The following FBXO10 variants were observed in gnomAD, a reference collection of about 807,000 sequenced individuals.
FBXO10 encodes the protein F-box only protein 10.
A neutral mutation model predicts 80.7 loss-of-function variants in FBXO10; 39 were observed. The ratio of observed to expected loss-of-function variants is 0.48; its 90% CI spans 0.37 to 0.63. The LOEUF (loss-of-function observed/expected upper bound fraction) is 0.63, where lower values mean the gene tolerates loss of function less well. Ranked by LOEUF, FBXO10 falls within the 30% of genes least tolerant of loss-of-function variation. The probability of loss-of-function intolerance (pLI) is 0.00; values close to 1 mark genes in which losing one functional copy is unlikely to be tolerated. For synonymous variants in FBXO10, 449 were observed against 489.6 expected (o/e 0.92, Z 1.09); for missense variants, 1,025 against 1,269.0 (o/e 0.81, Z 2.92).
Position 37,529,834 on chromosome 9 carries a change from T to C in FBXO10, c.1570-574A>G, listed in dbSNP as rs565582575. ...GTATGAGCTACAGAATGCCAAGAGA[T>C]ATCTTTTTTTTTTTTTTTTGGTAGA... On this transcript the variant is annotated intron_variant, in intron 4 of 10. Coordinates refer to ENST00000432825, the MANE Select transcript of FBXO10 (RefSeq NM_012166.3). 2.6e-4 allele frequency among the ~76,000 whole-genome samples: 37 copies of C among 142,128 alleles called. No individual in the cohort carries two copies. The East Asian group carries it at 6.4e-3, about 25-fold the overall frequency. 93.2% of individuals were successfully genotyped at this position (142,128 alleles called of 152,430 possible). A position where few individuals can be genotyped will look rare whatever the true frequency, so the allele number is the denominator to read the frequency against.
In FBXO10 at chr9:37,512,420, T is replaced by C; in HGVS notation, c.*127A>G. ...GAGCTGAAGTGTTCTGGAGGTACCG[T>C]GTTTTGGAGGCCCGGGACCCATTTG... On this transcript the variant is annotated 3_prime_UTR_variant, in exon 11 of 11. Coordinates refer to ENST00000432825, the MANE Select transcript of FBXO10 (RefSeq NM_012166.3). 1 of 941,890 alleles carries C rather than the reference T, an allele frequency of 1.1e-6. No individual in the cohort carries two copies. The highest frequency in any genetic ancestry group is 1.6e-6 in the Non-Finnish European group (1 of 628,662). 58.3% of individuals were successfully genotyped at this position (941,890 alleles called of 1,614,324 possible).
In FBXO10 at chr9:37,561,640, C is replaced by T. The variant is rs575820922; in HGVS notation, c.-7+14571G>A. On this transcript the variant is annotated intron_variant, in intron 1 of 10. Coordinates refer to ENST00000432825, the MANE Select transcript of FBXO10 (RefSeq NM_012166.3). ...ACCTCATGCAGATTTTGACAATTTC[C>T]AGAGAAAAAAATCATTTATTCAACA... 2.3e-4 allele frequency among the ~76,000 whole-genome samples: 35 copies of T among 152,228 alleles called. No individual in the cohort carries two copies. In the East Asian group the frequency reaches 6.8e-3, roughly 29 times the overall value.
In FBXO10 at chr9:37,511,753, G is replaced by A. The variant is rs1200212368; in HGVS notation, c.*794C>T. On this transcript the variant is annotated 3_prime_UTR_variant, in exon 11 of 11. Coordinates refer to ENST00000432825, the MANE Select transcript of FBXO10 (RefSeq NM_012166.3). ...CATGAGAACACAGATGCGAACGAGA[G>A]GCCCAGGTACCCTCATCTGAACAGG... 1 of 152,670 alleles carries A rather than the reference G, an allele frequency of 6.6e-6. No individual in the cohort carries two copies. The highest frequency in any genetic ancestry group is 2.4e-5 in the African/African-American group (1 of 41,446). The allele number at this position is 152,670 out of a possible 1,614,324, so 9.5% of individuals were successfully genotyped here.
Position 37,537,252 on chromosome 9 carries a change from G to A in FBXO10, c.1277C>T (p.Ser426Phe), listed in dbSNP as rs1017867269. The change falls in exon 3 of 11, where the codon TCC becomes TTC. Residue 426 changes from serine (S) to phenylalanine (F), a missense_variant. Ser to Phe is a radical substitution (Grantham distance 155). This residue lies in a region of FBXO10 where 478 missense variants were observed against 667.8 expected (regional missense o/e 0.72). Coordinates refer to ENST00000432825, the MANE Select transcript of FBXO10 (RefSeq NM_012166.3). ...KDKEAMALANSVQGCLIRKCL... is the reference protein window; with the variant it reads ...KDKEAMALANFVQGCLIRKCL... ...CTTGCGGATGAGGCAGCCCTGCACG[G>A]AGTTGGCCAGTGCCATGGCCTCCTT... 6.2e-7 allele frequency: 1 copy of A among 1,613,764 alleles called. No homozygotes were observed. The highest frequency in any genetic ancestry group is 1.3e-5 in the African/African-American group (1 of 74,944).
At chr9:37,523,320 CGG>C (rs1821388713) in intron 6 of FBXO10, among the ~76,000 whole-genome samples, 1 of 152,006 alleles carries the variant, frequency 6.6e-6, no homozygotes, top group Non-Finnish European at 1.5e-5. Context: ...GAGGCCAAGG[CGG>C]GTAGATCACT....
intron 3 of FBXO10, among the ~76,000 whole-genome samples, chr9:37,536,273 C>T (rs897161222): frequency 1.3e-5 from 2 of 152,102 alleles, no homozygotes; most frequent in Admixed American, 6.6e-5. Flanking sequence ...TTTCATTTTA[C>T]GAAAGTGAAG....
At chr9:37,550,185 T>G (rs1822159920) in intron 1 of FBXO10, among the ~76,000 whole-genome samples, 1 of 128,490 alleles carries the variant, frequency 7.8e-6, no homozygotes, top group Non-Finnish European at 1.7e-5. Flanking sequence ...TTTTTTTTTT[T>G]TTTTTTTTTT....
At chr9:37,545,072 A>C (rs1410261660) in intron 1 of FBXO10, among the ~76,000 whole-genome samples, 1 of 150,756 alleles carries the variant, frequency 6.6e-6, no homozygotes, top group African/African-American at 2.4e-5. Flanking sequence ...TGGGCTCCTG[A>C]CATCTGCCAC....
intron 9 of FBXO10, among the ~76,000 whole-genome samples, chr9:37,516,971 A>AAC (rs1214442127): frequency 5.9e-5 from 9 of 151,698 alleles, no homozygotes; most frequent in African/African-American, 1.9e-4. Flanking sequence ...AAAAAAAAAA[A>AAC]AAACAAAAAA....
intron 8 of FBXO10, 82 bp from the exon 9 acceptor site, chr9:37,518,520 T>G (rs1821243240): frequency 4.9e-6 from 6 of 1,218,330 alleles, no homozygotes; most frequent in African/African-American, 1.5e-5. Context: ...TTCCCTGAAT[T>G]GTGCACTCCG....
chr9:37,523,393 A>T (rs1418309820), intron 6 of FBXO10, among the ~76,000 whole-genome samples: 2 of 97,420 alleles, frequency 2.1e-5, no homozygotes, highest in African/African-American at 5.5e-5. Context: ...CTAAAAAAAA[A>T]TACAAAAAAA....
chr9:37,538,017 G>A, intron 2 of FBXO10, 74 bp from the exon 3 acceptor site: 2 of 1,189,898 alleles, frequency 1.7e-6, no homozygotes, highest in South Asian at 2.7e-5. Context: ...CCTTTAAGGA[G>A]GGTAGAACAT....
chr9:37,567,477 C>A (rs371256304), intron 1 of FBXO10, among the ~76,000 whole-genome samples: 4 of 151,868 alleles, frequency 2.6e-5, no homozygotes, highest in Admixed American at 2.6e-4. Context: ...CTTATAACAA[C>A]CAAAACGTAG....
chr9:37,512,879 G>A (rs1372005532), intron 10 of FBXO10, among the ~76,000 whole-genome samples, 158 bp from the exon 11 acceptor site: 1 of 152,196 alleles, frequency 6.6e-6, no homozygotes, highest in Non-Finnish European at 1.5e-5. Flanking sequence ...CCAAAGAGGT[G>A]GGCTGTTGAG....
Position 37,512,103 on chromosome 9 carries a change from G to A in FBXO10, c.*444C>T, listed in dbSNP as rs1821071006. The A allele has an allele frequency of 6.5e-6, 1 of 152,930 alleles. No individual in the cohort carries two copies. Among genetic ancestry groups the A allele is most frequent in the South Asian group, 2.1e-4 (1 of 4,842 alleles). 9.5% of individuals were successfully genotyped at this position (152,930 alleles called of 1,614,324 possible). On this transcript the variant is annotated 3_prime_UTR_variant, in exon 11 of 11. Transcript: ENST00000432825. ...GGTGGGGTCCCTGGAGGGATTGAGA[G>A]GGAGACAGCTCTAGCAAAGGGGAAA...
At chr9:37,561,064 C>T (rs553219290) in intron 1 of FBXO10, among the ~76,000 whole-genome samples, 1 of 152,160 alleles carries the variant, frequency 6.6e-6, no homozygotes, top group South Asian at 2.1e-4. Flanking sequence ...ATGGTGTGAA[C>T]CCAGGAGGCG....
chr9:37,532,029 G>T lies in FBXO10; in HGVS notation c.1449C>A (p.Arg483=). 1 of 1,613,892 alleles carries T rather than the reference G, an allele frequency of 6.2e-7. No homozygotes were observed. Among genetic ancestry groups the T allele is most frequent in the Non-Finnish European group, 8.5e-7 (1 of 1,179,790 alleles). ...KIIMLRNDIY[R]CRASGIFLRL... is the part of the protein sequence containing the mutation. The stretch of plus-strand genomic sequence containing the variant: ...GAAGAAAGATGCCTGACGCTCGGCA[G>T]CGGTAAATGTCGTTCCTGAGCATGA... The change falls in exon 4 of 11, where the codon CGC becomes CGA. Residue 483 remains arginine, a synonymous_variant. Transcript: ENST00000432825.
At chr9:37,534,477 G>A (rs1200219553) in intron 3 of FBXO10, among the ~76,000 whole-genome samples, 2 of 152,208 alleles carry the variant, frequency 1.3e-5, no homozygotes, top group South Asian at 2.1e-4. Flanking sequence ...AGAAAGACAG[G>A]CGCCTCCAAG....
At chr9:37,547,230 A>G (rs148671610) in intron 1 of FBXO10, among the ~76,000 whole-genome samples, 84 of 152,374 alleles carry the variant, frequency 5.5e-4, no homozygotes, top group African/African-American at 1.9e-3. Flanking sequence ...TGTACAATAG[A>G]GTACTATTCA....
Sources: allele counts gnomAD v4.1 joint callset (sites outside exome capture counted in the v4.1 genomes callset), GRCh38; gene constraint gnomAD v4.1.1; regional missense constraint gnomAD v4.1.1; transcripts MANE v1.5; gene names NCBI Gene and HGNC (gene_info 2026-07-23, HGNC 2026-07-21).